Variants in PDXDC1 observed in about 807,000 individuals in gnomAD.
PDXDC1 encodes the protein pyridoxal-dependent decarboxylase domain-containing protein 1.
In PDXDC1, 42 loss-of-function variants were observed where a neutral mutation model predicts 100.1. The ratio of observed to expected loss-of-function variants is 0.42; its 90% CI spans 0.33 to 0.54. The LOEUF is 0.54. Ranked by LOEUF, PDXDC1 falls within the 20% of genes least tolerant of loss-of-function variation. The pLI, the probability that PDXDC1 is intolerant of heterozygous loss-of-function variation, is 0.10. For missense variants in PDXDC1, 636 were observed against 979.2 expected (o/e 0.65, Z 4.68); for synonymous variants, 260 against 371.7 (o/e 0.70, Z 3.46).
intron 16 of PDXDC1, among the ~76,000 whole-genome samples, chr16:15,119,391 T>C (rs1359517582): frequency 2.8e-5 from 4 of 145,252 alleles, no homozygotes; most frequent in African/African-American, 5.0e-5. Context: ...CAATAGCTGA[T>C]GATCTAAAAA....
intron 4 of PDXDC1, among the ~76,000 whole-genome samples, chr16:15,002,570 CCT>C (rs1479123310): frequency 2.0e-5 from 3 of 152,290 alleles, no homozygotes; most frequent in African/African-American, 4.8e-5. Context: ...TTATTGGTCC[CCT>C]GTCATGTTGC....
intron 13 of PDXDC1, among the ~76,000 whole-genome samples, chr16:15,024,076 G>A (rs1039391963): frequency 1.3e-5 from 2 of 152,288 alleles, no homozygotes; most frequent in African/African-American, 4.8e-5. Flanking sequence ...CTCAAATTGG[G>A]GGACCCAGTG....
At chr16:15,125,939 T>G in intron 16 of PDXDC1, 4 of 632,252 alleles carry the variant, frequency 6.3e-6, no homozygotes. Context: ...GCTGGATATA[T>G]GGGACATCTG....
At chr16:15,043,719 G>A (rs557676556) in intron 16 of PDXDC1, among the ~76,000 whole-genome samples, 56 of 152,284 alleles carry the variant, frequency 3.7e-4, no homozygotes, top group African/African-American at 1.3e-3. Context: ...AGAGGCCGAG[G>A]CAGGTGCATC....
chr16:15,112,119 A>C (rs1441907926), intron 16 of PDXDC1, among the ~76,000 whole-genome samples: 1 of 147,456 alleles, frequency 6.8e-6, no homozygotes, highest in East Asian at 1.9e-4. Flanking sequence ...GTATGCTTTT[A>C]ATCTTCTCAG....
At chr16:15,013,131 C>G (rs1181296403) in intron 8 of PDXDC1, among the ~76,000 whole-genome samples, 2 of 152,188 alleles carry the variant, frequency 1.3e-5, no homozygotes, top group Non-Finnish European at 2.9e-5. Flanking sequence ...GATCGCACCA[C>G]TGCACTCCAG....
intron 16 of PDXDC1, chr16:15,045,509 T>C (rs897550016): frequency 6.6e-6 from 1 of 150,874 alleles, no homozygotes; most frequent in Non-Finnish European, 1.5e-5. Flanking sequence ...TGCTGGCATA[T>C]ACCTCTATTC....
At chr16:14,975,637 G>T in intron 1 of PDXDC1, 2 of 985,520 alleles carry the variant, frequency 2.0e-6, no homozygotes, top group South Asian at 9.4e-5. Context: ...AAACCTGTAG[G>T]TTTTTCTTGG....
chr16:15,086,603 G>C (rs1167582343), intron 16 of PDXDC1: 2 of 1,182,820 alleles, frequency 1.7e-6, no homozygotes, highest in Non-Finnish European at 2.4e-6. Flanking sequence ...TATTAAAACA[G>C]AAAAAGATGT....
At chr16:15,144,376 G>A in the PDXDC1 span, among the ~76,000 whole-genome samples, 2 of 152,202 alleles carry the variant, frequency 1.3e-5, no homozygotes, top group African/African-American at 2.4e-5. Context: ...AGTTTGGGAC[G>A]GTGCTCATTT....
At chr16:15,125,265 C>G in intron 16 of PDXDC1, 1 of 585,044 alleles carries the variant, frequency 1.7e-6, no homozygotes, top group Non-Finnish European at 3.1e-6. Flanking sequence ...CCACAATGGA[C>G]GGGTCACTGA....
At chr16:14,985,568 A>G (rs1224283841) in intron 1 of PDXDC1, among the ~76,000 whole-genome samples, 7 of 152,168 alleles carry the variant, frequency 4.6e-5, no homozygotes, top group African/African-American at 7.2e-5. Context: ...TACAGGTGTG[A>G]GCCACCGCGC....
chr16:15,009,353 T>C, intron 7 of PDXDC1: 1 of 415,026 alleles, frequency 2.4e-6, no homozygotes, highest in Non-Finnish European at 4.1e-6. Flanking sequence ...TTCAGGTACA[T>C]CAGTGAGTAA....
intron 16 of PDXDC1, among the ~76,000 whole-genome samples, chr16:15,097,591 G>A (rs1164437227): frequency 6.7e-6 from 1 of 149,258 alleles, no homozygotes; most frequent in Non-Finnish European, 1.5e-5. Flanking sequence ...GCAGTGAGCC[G>A]AGATCGCGCC....
chr16:15,077,985 A>C (rs1258759208), intron 16 of PDXDC1, among the ~76,000 whole-genome samples: 3 of 152,260 alleles, frequency 2.0e-5, no homozygotes, highest in Non-Finnish European at 4.4e-5. Context: ...AACTGAGCAG[A>C]AAAATGATGA....
chr16:15,092,128 G>A (rs571265161), intron 16 of PDXDC1, among the ~76,000 whole-genome samples: 1 of 152,118 alleles, frequency 6.6e-6, no homozygotes, highest in Admixed American at 6.6e-5. Context: ...GCAGTGAGCC[G>A]AGGTCACGCC....
At chr16:15,016,893 A>G (rs144220273) in intron 9 of PDXDC1, among the ~76,000 whole-genome samples, 281 of 152,392 alleles carry the variant, frequency 1.8e-3, no homozygotes, top group African/African-American at 4.9e-3. Flanking sequence ...CTCCCATTAT[A>G]TTAAATGAGC....
intron 16 of PDXDC1, chr16:15,079,949 CA>C: frequency 3.3e-6 from 5 of 1,518,364 alleles, no homozygotes; most frequent in Non-Finnish European, 4.5e-6. Context: ...GTGATTATAA[CA>C]AATTCAAGTC....
At chr16:15,030,998 C>T (rs2043025025) in intron 16 of PDXDC1, among the ~76,000 whole-genome samples, 1 of 151,666 alleles carries the variant, frequency 6.6e-6, no homozygotes, top group Non-Finnish European at 1.5e-5. Flanking sequence ...GTCACCCTGG[C>T]TGGAATGCAG....
Sources: gnomAD v4.1 joint callset for allele counts (sites outside exome capture counted in the v4.1 genomes callset) on GRCh38, gnomAD v4.1.1 for gene constraint, MANE v1.5 for transcripts, NCBI Gene and HGNC (gene_info 2026-07-23, HGNC 2026-07-21) for gene names.